The following KDM4C variants were observed in gnomAD, a reference collection of about 807,000 sequenced individuals.
KDM4C encodes lysine-specific demethylase 4C.
KDM4C carries 81 observed loss-of-function variants against 129.3 expected under a neutral mutation model. The ratio of observed to expected loss-of-function variants is 0.63; its 90% CI spans 0.52 to 0.75. The LOEUF (loss-of-function observed/expected upper bound fraction) is 0.75. Among genes scored for constraint, KDM4C ranks in the 30% least tolerant of loss-of-function variants. The pLI, the probability that KDM4C is intolerant of heterozygous loss-of-function variation, is 0.00. For synonymous variants in KDM4C, 573 were observed against 456.1 expected (o/e 1.26, Z -3.26); for missense variants, 1,457 against 1,304.0 (o/e 1.12, Z -1.81).
At chr9:6,766,656 G>C (rs1028104289) in intron 1 of KDM4C, among the ~76,000 whole-genome samples, 3 of 152,080 alleles carry the variant, frequency 2.0e-5, no homozygotes, top group African/African-American at 7.3e-5. Flanking sequence ...GCTTGTGTCT[G>C]CTCATTAGGG....
Position 7,049,051 on chromosome 9 carries a change from T to C in KDM4C, c.2316-41T>C, listed in dbSNP as rs751478655. 3 of 1,365,318 alleles carry C rather than the reference T, an allele frequency of 2.2e-6. No individual in the cohort carries two copies. The South Asian group carries it at 3.5e-5, about 16-fold the overall frequency. 84.6% of individuals were successfully genotyped at this position (1,365,318 alleles called of 1,614,324 possible). A position where few individuals can be genotyped will look rare whatever the true frequency, so the allele number is the denominator to read the frequency against. ...ATCACCAAGTTGAAGTATGTAAGTT[T>C]AGGGAACTTTTGTTTATGTTTAATG... On this transcript the variant is annotated intron_variant, in intron 16 of 21. Coordinates refer to ENST00000381309, the MANE Select transcript of KDM4C (RefSeq NM_015061.6).
intron 6 of KDM4C, among the ~76,000 whole-genome samples, chr9:6,887,425 T>C (rs992483901): frequency 1.3e-5 from 2 of 152,176 alleles, no homozygotes; most frequent in Non-Finnish European, 2.9e-5. Flanking sequence ...TGATGGGTGA[T>C]GGCTGGGAAG....
intron 6 of KDM4C, among the ~76,000 whole-genome samples, chr9:6,882,829 T>A (rs1844679144): frequency 6.6e-6 from 1 of 151,124 alleles, no homozygotes; most frequent in African/African-American, 2.4e-5. Context: ...TGCACGCACA[T>A]TGTGGAATTT....
At chr9:6,722,692 T>C (rs569217594) in intron 1 of KDM4C, among the ~76,000 whole-genome samples, 11 of 152,134 alleles carry the variant, frequency 7.2e-5, no homozygotes, top group African/African-American at 2.6e-4. Flanking sequence ...TTTGTATTTT[T>C]AGTAGAGATG....
At chr9:6,909,460 G>A (rs1818888029) in intron 8 of KDM4C, among the ~76,000 whole-genome samples, 1 of 152,164 alleles carries the variant, frequency 6.6e-6, no homozygotes, top group Admixed American at 6.5e-5. Flanking sequence ...ATTGGGATAG[G>A]AATTTGATTT....
chr9:7,141,309 G>T (rs1841715935), intron 19 of KDM4C, among the ~76,000 whole-genome samples: 2 of 152,060 alleles, frequency 1.3e-5, no homozygotes, highest in African/African-American at 4.8e-5. Context: ...ATGGCTTCAG[G>T]CTGCTAAAAT....
chr9:6,724,736 G>A (rs1243914603), intron 1 of KDM4C, among the ~76,000 whole-genome samples: 1 of 152,066 alleles, frequency 6.6e-6, no homozygotes, highest in Non-Finnish European at 1.5e-5. Flanking sequence ...TCACCATGTT[G>A]TACAGGATGA....
chr9:6,994,107 G>A (rs984924674), intron 12 of KDM4C, among the ~76,000 whole-genome samples: 1 of 152,070 alleles, frequency 6.6e-6, no homozygotes, highest in Non-Finnish European at 1.5e-5. Flanking sequence ...CATAGGGAGT[G>A]TGCAACCTAG....
chr9:7,038,569 C>A (rs906216448), intron 15 of KDM4C, among the ~76,000 whole-genome samples: 3 of 151,928 alleles, frequency 2.0e-5, no homozygotes, highest in African/African-American at 4.8e-5. Context: ...AAAATTTTGG[C>A]TTCTGATAAT....
At chr9:6,885,513 T>G (rs1429196059) in intron 6 of KDM4C, among the ~76,000 whole-genome samples, 1 of 152,148 alleles carries the variant, frequency 6.6e-6, no homozygotes, top group African/African-American at 2.4e-5. Context: ...GAATACAAGC[T>G]TTTTATTATC....
At chr9:6,970,593 C>G (rs1325291527) in intron 8 of KDM4C, among the ~76,000 whole-genome samples, 1 of 152,136 alleles carries the variant, frequency 6.6e-6, no homozygotes, top group Admixed American at 6.6e-5. Flanking sequence ...TGATTTTGCA[C>G]TGTGAAGGAA....
intron 3 of KDM4C, among the ~76,000 whole-genome samples, chr9:6,812,190 T>C (rs1345013364): frequency 6.7e-6 from 1 of 150,022 alleles, no homozygotes; most frequent in Non-Finnish European, 1.5e-5. Context: ...TGAGCCGAGA[T>C]CATGCCACCG....
chr9:6,894,166 C>G (rs192122004), intron 8 of KDM4C, among the ~76,000 whole-genome samples: 5 of 152,290 alleles, frequency 3.3e-5, no homozygotes, highest in Non-Finnish European at 4.4e-5. Context: ...TTAGGGGAGA[C>G]AACTCTTAGT....
At chr9:6,893,811 A>C (rs973703623) in intron 8 of KDM4C, among the ~76,000 whole-genome samples, 1 of 152,208 alleles carries the variant, frequency 6.6e-6, no homozygotes, top group Non-Finnish European at 1.5e-5. Flanking sequence ...AATTTAGCTC[A>C]CATAGTGGGT....
At chr9:6,875,003 A>G (rs1303364053) in intron 5 of KDM4C, among the ~76,000 whole-genome samples, 1 of 151,594 alleles carries the variant, frequency 6.6e-6, no homozygotes, top group Non-Finnish European at 1.5e-5. Context: ...ACTGAAGTAG[A>G]CGTTTGATTG....
intron 5 of KDM4C, among the ~76,000 whole-genome samples, chr9:6,865,626 G>GC (rs908844042): frequency 1.3e-5 from 2 of 152,116 alleles, no homozygotes; most frequent in African/African-American, 4.8e-5. Flanking sequence ...GAGTTCAGTG[G>GC]CGTGATCTCA....
intron 8 of KDM4C, among the ~76,000 whole-genome samples, chr9:6,953,709 A>T (rs956155971): frequency 1.3e-5 from 2 of 152,220 alleles, no homozygotes; most frequent in African/African-American, 4.8e-5. Context: ...GAGAGAACGG[A>T]GGATTTTTAA....
chr9:7,155,559 C>T (rs955775774), intron 19 of KDM4C, among the ~76,000 whole-genome samples: 5 of 152,054 alleles, frequency 3.3e-5, no homozygotes, highest in African/African-American at 9.7e-5. Flanking sequence ...GCCCTGTGTC[C>T]GTGTGATCTC....
At chr9:6,848,402 C>G (rs1838231522) in intron 4 of KDM4C, among the ~76,000 whole-genome samples, 1 of 152,088 alleles carries the variant, frequency 6.6e-6, no homozygotes, top group African/African-American at 2.4e-5. Flanking sequence ...TGTGGTGGCT[C>G]ACGCTTGTAA....
Sources: allele counts gnomAD v4.1 joint callset (sites outside exome capture counted in the v4.1 genomes callset), GRCh38; gene constraint gnomAD v4.1.1; transcripts MANE v1.5; gene names NCBI Gene and HGNC (gene_info 2026-07-23, HGNC 2026-07-21).